ZNF675: variants seen among roughly 807,000 people sequenced by gnomAD.
ZNF675 encodes the protein TRAF6 inhibitory zinc finger.
ZNF675 carries 36 observed loss-of-function variants against 56.1 expected under a neutral mutation model. The observed-to-expected ratio is 0.64, with a 90% confidence interval of 0.49 to 0.85. ZNF675 has a LOEUF of 0.85. Ranked by LOEUF, ZNF675 falls within the 40% of genes least tolerant of loss-of-function variation. The pLI, the probability that ZNF675 is intolerant of heterozygous loss-of-function variation, is 0.00. For synonymous variants in ZNF675, 200 were observed against 218.9 expected, an observed-to-expected ratio of 0.91 and a Z score of 0.76; for missense variants, 663 against 654.2, an observed-to-expected ratio of 1.01 and a Z score of -0.15.
Position 23,667,070 on chromosome 19 carries a change from C to G in ZNF675, c.4-3912G>C, listed in dbSNP as rs140724357. ...GTGGCGCGTCTGGAGTTTGTTCCTT[C>G]TGATGTTCAGATGTGTTCGGAGTTT... On this transcript the variant is annotated intron_variant, in intron 1 of 3. Transcript: ENST00000359788. Among the ~76,000 whole-genome samples the G allele has an allele frequency of 8.4e-3, 1,278 of 152,220 alleles. 18 individuals carry two copies. Among genetic ancestry groups the G allele is most frequent in the African/African-American group, 0.029 (1,197 of 41,536 alleles).
At chr19:23,662,999 AAAAAAG>A (rs1185789755) in intron 2 of ZNF675, 27 bp downstream of exon 2, 9 of 1,538,328 alleles carry the variant, frequency 5.9e-6, no homozygotes, top group Non-Finnish European at 7.8e-6. Context: ...AAAACAAAAA[AAAAAAG>A]AAACTGTGTG....
chr19:23,658,811 A>ATG (rs1568289019), intron 3 of ZNF675: 2 of 151,798 alleles, frequency 1.3e-5, no homozygotes, highest in Non-Finnish European at 2.9e-5. Flanking sequence ...ATCTATAGAG[A>ATG]TATAGATCTA....
intron 1 of ZNF675, among the ~76,000 whole-genome samples, chr19:23,680,933 C>T (rs1968368221): frequency 6.6e-6 from 1 of 151,718 alleles, no homozygotes; most frequent in Admixed American, 6.6e-5. Context: ...ATAATCTGCA[C>T]ACCAAACCTT....
chr19:23,678,261 C>T (rs73015850), intron 1 of ZNF675, among the ~76,000 whole-genome samples: 6 of 139,598 alleles, frequency 4.3e-5, no homozygotes, highest in Non-Finnish European at 7.6e-5. Flanking sequence ...CAAAAATATT[C>T]TTTTTTTTTT....
chr19:23,682,744 G>C (rs912107365), intron 1 of ZNF675, among the ~76,000 whole-genome samples: 1 of 151,692 alleles, frequency 6.6e-6, no homozygotes, highest in Non-Finnish European at 1.5e-5. Flanking sequence ...CTGAAACTAT[G>C]TGTTTGAAAA....
chr19:23,670,870 C>T (rs572941367), intron 1 of ZNF675, among the ~76,000 whole-genome samples: 7 of 152,266 alleles, frequency 4.6e-5, no homozygotes, highest in South Asian at 4.1e-4. Context: ...AATCTTTTGA[C>T]GCCACCCACC....
chr19:23,670,451 G>T (rs952974019), intron 1 of ZNF675, among the ~76,000 whole-genome samples: 2 of 148,344 alleles, frequency 1.3e-5, no homozygotes, highest in African/African-American at 5.0e-5. Context: ...CCCCCCAAAG[G>T]AAAGTTCTAA....
In ZNF675 at chr19:23,654,253, A is replaced by G. The variant is rs1188831884; in HGVS notation, c.680T>C (p.Leu227Pro). 1 of 1,613,352 alleles carries G rather than the reference A, an allele frequency of 6.2e-7. No individual in the cohort carries two copies. Among genetic ancestry groups the G allele is most frequent in the South Asian group, 1.1e-5 (1 of 90,962 alleles). Residue 227 changes from leucine to proline, a missense_variant, in exon 4 of 4, where the codon CTC becomes CCC. Leu to Pro is a moderately conservative substitution (Grantham distance 98). Coordinates refer to ENST00000359788, the MANE Select transcript of ZNF675 (RefSeq NM_138330.3). ...TCTGTCACATTCTTGACATTTGTAG[A>G]GTTTCTCACAAGTATAAATTCTTTT... ...KHKRIYTCEKLYKCQECDRTF... is the reference protein window; with the variant it reads ...KHKRIYTCEKPYKCQECDRTF...
chr19:23,663,988 T>C (rs1968116745), intron 1 of ZNF675, among the ~76,000 whole-genome samples: 1 of 152,202 alleles, frequency 6.6e-6, no homozygotes, highest in Non-Finnish European at 1.5e-5. Context: ...CTGCATGGCA[T>C]ATAAGAAGTC....
At position 23,653,916 on chromosome 19, in the gene ZNF675, G is replaced by A; in HGVS notation, c.1017C>T (p.Pro339=). The part of the protein sequence containing the change: ...THKRIHTGEK[P]YKCEECGKAF... Reference sequence around the variant, plus strand: ...CTTTTCCACATTCTTCACATTTGTAGGGTTTTTCTCCAGTATGAATTCTCT... The same window carrying A: ...CTTTTCCACATTCTTCACATTTGTAAGGTTTTTCTCCAGTATGAATTCTCT... Residue 339 remains proline (P), a synonymous_variant, in exon 4 of 4, where the codon CCC becomes CCT. Transcript: ENST00000359788. The A allele has an allele frequency of 6.2e-7, 1 of 1,613,288 alleles. No homozygotes were observed. Among genetic ancestry groups the A allele is most frequent in the South Asian group, 1.1e-5 (1 of 91,072 alleles).
chr19:23,654,853 G>T, intron 3 of ZNF675, 147 bp from the exon 4 acceptor site: 1 of 493,862 alleles, frequency 2.0e-6, no homozygotes. Flanking sequence ...TGAGCACAAT[G>T]CAAAGAGCCA....
At chr19:23,659,198 T>C (rs1057291397) in intron 3 of ZNF675, among the ~76,000 whole-genome samples, 1 of 152,084 alleles carries the variant, frequency 6.6e-6, no homozygotes, top group Non-Finnish European at 1.5e-5. Context: ...ATGGAGTGCC[T>C]ACAAATTATC....
At chr19:23,674,605 G>A (rs1374314205) in intron 1 of ZNF675, among the ~76,000 whole-genome samples, 1 of 109,156 alleles carries the variant, frequency 9.2e-6, no homozygotes, top group African/African-American at 3.6e-5. Flanking sequence ...TCGACAGAAC[G>A]AGACTCCGTC....
chr19:23,655,729 T>C (rs1276422501), intron 3 of ZNF675: 1 of 152,130 alleles, frequency 6.6e-6, no homozygotes. Flanking sequence ...AACAGACCTG[T>C]ACAAACCTTT....
chr19:23,673,523 A>C (rs535141597), intron 1 of ZNF675, among the ~76,000 whole-genome samples: 1 of 152,382 alleles, frequency 6.6e-6, no homozygotes, highest in East Asian at 1.9e-4. Flanking sequence ...TTTAGGCGAC[A>C]GCATGCACTT....
At chr19:23,661,726 C>T (rs957835938) in intron 3 of ZNF675, among the ~76,000 whole-genome samples, 1 of 151,958 alleles carries the variant, frequency 6.6e-6, no homozygotes, top group African/African-American at 2.4e-5. Flanking sequence ...AGAAAAGAAA[C>T]CACTTCTCAT....
chr19:23,666,248 G>C (rs1968149188), intron 1 of ZNF675, among the ~76,000 whole-genome samples: 1 of 152,228 alleles, frequency 6.6e-6, no homozygotes, highest in African/African-American at 2.4e-5. Flanking sequence ...GACTGATTGT[G>C]GGCTGAGTCT....
At chr19:23,683,186 T>A (rs1176108531) in intron 1 of ZNF675, among the ~76,000 whole-genome samples, 3 of 149,156 alleles carry the variant, frequency 2.0e-5, no homozygotes, top group African/African-American at 7.5e-5. Flanking sequence ...CGAGACTCAG[T>A]CTCAAAAAAA....
At chr19:23,676,466 G>A (rs544974239) in intron 1 of ZNF675, among the ~76,000 whole-genome samples, 1 of 151,592 alleles carries the variant, frequency 6.6e-6, no homozygotes, top group South Asian at 2.1e-4. Context: ...ACAAAATACT[G>A]AAAAACCAAA....
Sources: allele counts gnomAD v4.1 joint callset (sites outside exome capture counted in the v4.1 genomes callset), GRCh38; gene constraint gnomAD v4.1.1; transcripts MANE v1.5; gene names NCBI Gene and HGNC (gene_info 2026-07-23, HGNC 2026-07-21).